The following CTTNBP2NL variants were observed in gnomAD, a reference collection of about 807,000 sequenced individuals.
CTTNBP2NL encodes the protein CTTNBP2 N-terminal-like protein.
A neutral mutation model predicts 32.5 loss-of-function variants in CTTNBP2NL; 16 were observed. The observed-to-expected ratio is 0.49, with a 90% CI of 0.33 to 0.75. CTTNBP2NL has a LOEUF of 0.75. CTTNBP2NL is among the 30% of genes least tolerant of loss of function. The probability of loss-of-function intolerance (pLI) is 0.02; values close to 1 mark genes in which losing one functional copy is unlikely to be tolerated. For synonymous variants in CTTNBP2NL, 298 were observed against 289.4 expected (o/e 1.03, Z -0.30); for missense variants, 645 against 756.0 (o/e 0.85, Z 1.72).
At chr1:112,434,086 A>G (rs1453065903) in intron 3 of CTTNBP2NL, among the ~76,000 whole-genome samples, 1 of 152,180 alleles carries the variant, frequency 6.6e-6, no homozygotes, top group African/African-American at 2.4e-5. Context: ...CTGAATGAAT[A>G]ATACATAAAA....
At chr1:112,404,940 A>C (rs1231707379) in intron 1 of CTTNBP2NL, among the ~76,000 whole-genome samples, 1 of 152,168 alleles carries the variant, frequency 6.6e-6, no homozygotes, top group Non-Finnish European at 1.5e-5. Context: ...AATCCCAGCT[A>C]CTTGGGAGTC....
chr1:112,409,332 A>G (rs1370420329), intron 1 of CTTNBP2NL, among the ~76,000 whole-genome samples: 1 of 152,162 alleles, frequency 6.6e-6, no homozygotes, highest in Admixed American at 6.5e-5. Flanking sequence ...TGAGTATATA[A>G]TTAAAAAGTG....
At chr1:112,401,064 G>T (rs1648485253) in intron 1 of CTTNBP2NL, among the ~76,000 whole-genome samples, 2 of 151,624 alleles carry the variant, frequency 1.3e-5, no homozygotes, top group South Asian at 4.2e-4. Flanking sequence ...GAAGCACTTA[G>T]TAATTGACAG....
At chr1:112,412,608 C>CTTTTTTTTTTT in intron 2 of CTTNBP2NL, among the ~76,000 whole-genome samples, 1 of 88,922 alleles carries the variant, frequency 1.1e-5, no homozygotes, top group African/African-American at 5.5e-5. Flanking sequence ...GAGTTGGTAC[C>CTTTTTTTTTTT]TTTTTTTTTT....
chr1:112,408,223 T>TA lies in CTTNBP2NL; in HGVS notation c.-133-3971_-133-3970insA, dbSNP rs1297683154. Among the ~76,000 whole-genome samples, 461 of 141,832 alleles carry TA rather than the reference T, an allele frequency of 3.3e-3. 1 individual carries two copies. Among genetic ancestry groups the TA allele is most frequent in the African/African-American group, 0.011 (433 of 37,784 alleles). 93.0% of individuals were successfully genotyped at this position (141,832 alleles called of 152,430 possible). On this transcript the variant is annotated intron_variant, in intron 1 of 5. Coordinates refer to ENST00000271277, the MANE Select transcript of CTTNBP2NL (RefSeq NM_018704.3). ...TACTTTCTTTCTTTTTTTTTTAATT[T>TA]TTTTTTTTTTTTTTTTTTTGCTGTT...
chr1:112,456,205 A>G lies in CTTNBP2NL; in HGVS notation c.713A>G (p.Gln238Arg). Reference sequence around the variant, plus strand: ...CAGACTGAGGCCCAGGTAGAGAAGCAGTTATCAGAGTTTGACATCGAAAGG... The same window carrying G: ...CAGACTGAGGCCCAGGTAGAGAAGCGGTTATCAGAGTTTGACATCGAAAGG... ...GLQTEAQVEK[Q>R]LSEFDIEREQ... Residue 238 changes from glutamine to arginine, a missense_variant, in exon 6 of 6, where the codon CAG becomes CGG. Coordinates refer to ENST00000271277, the MANE Select transcript of CTTNBP2NL (RefSeq NM_018704.3). 1.9e-6 allele frequency: 3 copies of G among 1,614,196 alleles called. No homozygotes were observed. The highest frequency in any genetic ancestry group is 1.7e-6 in the Non-Finnish European group (2 of 1,180,048).
intron 2 of CTTNBP2NL, among the ~76,000 whole-genome samples, 161 bp downstream of exon 2, chr1:112,412,478 C>T (rs993069439): frequency 1.3e-5 from 2 of 152,080 alleles, no homozygotes; most frequent in Admixed American, 6.5e-5. Context: ...AATGTTAATA[C>T]TTATAAATGG....
chr1:112,410,451 A>AAAATATCTTTTTTAAAAAT (rs1648820337), intron 1 of CTTNBP2NL, among the ~76,000 whole-genome samples: 1 of 151,806 alleles, frequency 6.6e-6, no homozygotes, highest in Non-Finnish European at 1.5e-5. Flanking sequence ...CCAGGCTATT[A>AAAATATCTTTTTTAAAAAT]AAATATCTTT....
intron 3 of CTTNBP2NL, among the ~76,000 whole-genome samples, chr1:112,443,514 A>G (rs1649954090): frequency 6.6e-6 from 1 of 151,506 alleles, no homozygotes; most frequent in Non-Finnish European, 1.5e-5. Flanking sequence ...ACACCTGGCT[A>G]ATTTTTGTAT....
At chr1:112,412,608 CT>C (rs35667800) in intron 2 of CTTNBP2NL, among the ~76,000 whole-genome samples, 2,544 of 88,852 alleles carry the variant, frequency 0.029, 17 homozygotes, top group African/African-American at 0.1. Context: ...GAGTTGGTAC[CT>C]TTTTTTTTTT....
chr1:112,436,945 C>G (rs1437973007), intron 3 of CTTNBP2NL, among the ~76,000 whole-genome samples: 1 of 152,158 alleles, frequency 6.6e-6, no homozygotes, highest in Non-Finnish European at 1.5e-5. Flanking sequence ...GCTTCTAGCT[C>G]CAACCATGTT....
At chr1:112,414,262 G>A (rs1459940356) in intron 2 of CTTNBP2NL, among the ~76,000 whole-genome samples, 1 of 152,058 alleles carries the variant, frequency 6.6e-6, no homozygotes, top group Non-Finnish European at 1.5e-5. Context: ...CTACTCAGAG[G>A]CTGAGACTGG....
At chr1:112,426,511 G>A (rs537582915) in intron 3 of CTTNBP2NL, among the ~76,000 whole-genome samples, 1 of 150,710 alleles carries the variant, frequency 6.6e-6, no homozygotes, top group African/African-American at 2.5e-5. Flanking sequence ...GGGCAATATA[G>A]CAAGACCCCA....
rs777309122 is a variant in CTTNBP2NL, at chr1:112,457,014, G to A, written c.1522G>A (p.Val508Met). Residue 508 changes from valine (V) to methionine (M), a missense_variant, in exon 6 of 6, where the codon GTG becomes ATG. Val to Met is a conservative substitution (Grantham distance 21). Coordinates refer to ENST00000271277, the MANE Select transcript of CTTNBP2NL (RefSeq NM_018704.3). ...GCTGGCCCGAAACACAGTCACTCAG[G>A]TGCTCTCCAGATTCACTAGCCAACA... Reference protein sequence around the residue: ...KQLARNTVTQVLSRFTSQQGP... With the variant: ...KQLARNTVTQMLSRFTSQQGP... 1.2e-6 allele frequency: 2 copies of A among 1,613,894 alleles called. No homozygotes were observed. The highest frequency in any genetic ancestry group is 1.7e-5 in the Admixed American group (1 of 59,984).
chr1:112,424,273 A>G (rs1014769560), intron 3 of CTTNBP2NL, among the ~76,000 whole-genome samples: 1 of 152,088 alleles, frequency 6.6e-6, no homozygotes, highest in African/African-American at 2.4e-5. Flanking sequence ...TCTAGCACCA[A>G]TTGTTGAGAT....
intron 1 of CTTNBP2NL, among the ~76,000 whole-genome samples, chr1:112,396,806 G>A (rs1324102066): frequency 2.0e-5 from 3 of 152,192 alleles, no homozygotes; most frequent in Admixed American, 2.0e-4. Flanking sequence ...TCCCACTTAA[G>A]TTCTTCCCAT....
chr1:112,432,753 T>TA (rs77485849), intron 3 of CTTNBP2NL, among the ~76,000 whole-genome samples: 10,128 of 136,090 alleles, frequency 0.074, 1,040 homozygotes, highest in African/African-American at 0.24. Context: ...ATTCTATATT[T>TA]AAAAAAAAAA....
rs530372579 is a variant in CTTNBP2NL, at chr1:112,400,672, A to G, written c.-134+4400A>G. Among the ~76,000 whole-genome samples, 14 of 152,274 alleles carry G rather than the reference A, an allele frequency of 9.2e-5. No individual in the cohort carries two copies. In the South Asian group the frequency reaches 2.9e-3, roughly 32 times the overall value. ...CAGGGTGTGGTGGCACATGCCTGTA[A>G]TCCCAGCTACTCCGGAGGCTGAGGC... On this transcript the variant is annotated intron_variant, in intron 1 of 5. Transcript: ENST00000271277.
At chr1:112,449,236 T>A (rs999930546) in intron 4 of CTTNBP2NL, 64 bp downstream of exon 4, 122 of 927,016 alleles carry the variant, frequency 1.3e-4, no homozygotes, top group Non-Finnish European at 1.9e-4. Context: ...CCTGATACTT[T>A]CTTGTCAGCT....
Sources: allele counts gnomAD v4.1 joint callset (sites outside exome capture counted in the v4.1 genomes callset), GRCh38; gene constraint gnomAD v4.1.1; transcripts MANE v1.5; gene names NCBI Gene and HGNC (gene_info 2026-07-23, HGNC 2026-07-21).